The following PCDHGA10 variants were observed in gnomAD, a reference collection of about 807,000 sequenced individuals.
PCDHGA10 encodes protocadherin gamma subfamily A, 10.
A neutral mutation model predicts 59.5 loss-of-function variants in PCDHGA10; 42 were observed. That is an observed-to-expected ratio of 0.71 (90% confidence interval 0.55 to 0.91). The LOEUF is 0.91. Among genes scored for constraint, PCDHGA10 ranks in the 40% least tolerant of loss-of-function variants. PCDHGA10 has a pLI of 0.00. For synonymous variants in PCDHGA10, 511 were observed against 517.2 expected (o/e 0.99, Z 0.16); for missense variants, 1,111 against 1,198.2 (o/e 0.93, Z 1.07).
At chr5:141,428,044 C>A in intron 1 of PCDHGA10, 1 of 1,608,790 alleles carries the variant, frequency 6.2e-7, no homozygotes, top group Non-Finnish European at 8.5e-7. Context: ...TACCTGGTGA[C>A]CAAGGTGGTG....
intron 1 of PCDHGA10, among the ~76,000 whole-genome samples, chr5:141,457,343 T>C (rs1372992422): frequency 6.6e-6 from 1 of 152,240 alleles, no homozygotes; most frequent in African/African-American, 2.4e-5. Flanking sequence ...TTACTTACTT[T>C]CATTACCTGG....
chr5:141,443,235 C>G (rs1182428300), intron 1 of PCDHGA10, among the ~76,000 whole-genome samples: 2 of 151,642 alleles, frequency 1.3e-5, no homozygotes, highest in East Asian at 1.9e-4. Flanking sequence ...AATCTTAGCA[C>G]TTTGGGGCGC....
intron 1 of PCDHGA10, chr5:141,423,620 C>T: frequency 6.2e-7 from 1 of 1,608,268 alleles, no homozygotes; most frequent in Middle Eastern, 1.7e-4. Context: ...GCTGAAGACT[C>T]AGCTATCATT....
chr5:141,490,938 C>A lies in PCDHGA10; in HGVS notation c.2437-3869C>A. 1.2e-6 allele frequency: 2 copies of A among 1,613,672 alleles called. No individual in the cohort carries two copies. Among genetic ancestry groups the A allele is most frequent in the Non-Finnish European group, 1.7e-6 (2 of 1,179,760 alleles). On this transcript the variant is annotated intron_variant, in intron 1 of 3. Coordinates refer to ENST00000398610, the MANE Select transcript of PCDHGA10 (RefSeq NM_018913.3). The surrounding 1 kb of genome is among the most constrained non-coding windows in gnomAD (Gnocchi z 5.4). ...ATGATAATGCCCCAGCTGTGCTGCA[C>A]CCACGGCCAGACTGGGAACACTCAG... is the stretch of plus-strand genomic sequence containing the variant.
At position 141,413,097 on chromosome 5, in the gene PCDHGA10, C is replaced by T. The variant is rs531228946; in HGVS notation, c.-79C>T. ...CCCAGGCTACAGAGACACCCTGAAGCCACAGAAAGACAAAGGAACCGGTTG... is the reference window on the plus strand; with the variant it reads ...CCCAGGCTACAGAGACACCCTGAAGTCACAGAAAGACAAAGGAACCGGTTG... On this transcript the variant is annotated 5_prime_UTR_variant, in exon 1 of 4. Transcript: ENST00000398610. 2 of 1,447,922 alleles carry T rather than the reference C, an allele frequency of 1.4e-6. No homozygotes were observed. The highest frequency in any genetic ancestry group is 1.4e-5 in the African/African-American group (1 of 70,502). The allele number at this position is 1,447,922 out of a possible 1,614,324, so 89.7% of individuals were successfully genotyped here. A position where few individuals can be genotyped will look rare whatever the true frequency, so the allele number is the denominator to read the frequency against.
rs183831513 is a variant in PCDHGA10 at position 141,497,605 on chromosome 5, T to A, written c.2495+2740T>A. ...CCCAAGCTGGAGTGCAGTGGTGCGA[T>A]CTTGGCTCACTGCAACCTCTGCCTG... On this transcript the variant is annotated intron_variant, in intron 2 of 3. Coordinates refer to ENST00000398610, the MANE Select transcript of PCDHGA10 (RefSeq NM_018913.3). Among the ~76,000 whole-genome samples, 19 of 151,488 alleles carry A rather than the reference T, an allele frequency of 1.3e-4. No individual in the cohort carries two copies. In the East Asian group the frequency reaches 3.7e-3, roughly 29 times the overall value.
At chr5:141,447,232 C>T (rs988057696) in intron 1 of PCDHGA10, among the ~76,000 whole-genome samples, 3 of 152,062 alleles carry the variant, frequency 2.0e-5, no homozygotes, top group East Asian at 1.9e-4. Flanking sequence ...CTCCGCCTCC[C>T]GGGTTCAAGT....
rs562479827 is a variant in PCDHGA10, at chr5:141,430,802, C to A, written c.2436+15191C>A. The A allele has an allele frequency of 1.2e-5, 18 of 1,524,776 alleles. No homozygotes were observed. The East Asian group carries it at 3.9e-4, about 33-fold the overall frequency. The allele number at this position is 1,524,776 out of a possible 1,614,324, so 94.5% of individuals were successfully genotyped here. On this transcript the variant is annotated intron_variant, in intron 1 of 3. Coordinates refer to ENST00000398610, the MANE Select transcript of PCDHGA10 (RefSeq NM_018913.3). ...GCACCGGGACTACAAAGGGCTTGTC[C>A]TGCTGGGAATCCTCCTGGGGACTCT... is the stretch of plus-strand genomic sequence containing the variant.
At chr5:141,421,387 G>A in intron 1 of PCDHGA10, 3 of 1,614,054 alleles carry the variant, frequency 1.9e-6, no homozygotes, top group Non-Finnish European at 2.5e-6. Context: ...CAAGGACCTG[G>A]GGCTGGAGCC....
At chr5:141,505,261 T>C in intron 2 of PCDHGA10, 132 bp from the exon 3 acceptor site, 1 of 1,505,282 alleles carries the variant, frequency 6.6e-7, no homozygotes. Context: ...GCCTCCTACC[T>C]TGCTGAGAGA....
At chr5:141,470,872 T>TTTTTTG (rs900302332) in intron 1 of PCDHGA10, among the ~76,000 whole-genome samples, 2 of 151,814 alleles carry the variant, frequency 1.3e-5, no homozygotes, top group Admixed American at 1.3e-4. Context: ...GTTTGTTTGT[T>TTTTTTG]TTTTTGTTTT....
chr5:141,426,364 G>C (rs918838005), intron 1 of PCDHGA10: 1 of 202,328 alleles, frequency 4.9e-6, no homozygotes, highest in Non-Finnish European at 1.0e-5. Flanking sequence ...TTTGTTCTGC[G>C]GGGCACCCTC....
intron 1 of PCDHGA10, chr5:141,428,184 C>G: frequency 6.8e-7 from 1 of 1,463,674 alleles, no homozygotes; most frequent in Middle Eastern, 1.7e-4. Flanking sequence ...GGAGGACAGC[C>G]GCCGCTCTCT....
intron 1 of PCDHGA10, among the ~76,000 whole-genome samples, chr5:141,474,703 C>G (rs2099353282): frequency 6.6e-6 from 1 of 152,188 alleles, no homozygotes; most frequent in Admixed American, 6.5e-5. Flanking sequence ...GTTCAAGGTT[C>G]TATTATACTT....
intron 1 of PCDHGA10, chr5:141,423,369 A>C: frequency 1.9e-6 from 3 of 1,614,104 alleles, no homozygotes; most frequent in Non-Finnish European, 2.5e-6. Flanking sequence ...TGCTGCTGGC[A>C]CTCAGGCTGT....
chr5:141,485,341 G>C lies in PCDHGA10; in HGVS notation c.2437-9466G>C. 1.2e-6 allele frequency: 2 copies of C among 1,614,118 alleles called. No homozygotes were observed. Among genetic ancestry groups the C allele is most frequent in the Non-Finnish European group, 8.5e-7 (1 of 1,180,022 alleles). ...TCGCTCAAGATTTCCTGCTGGATAC[G>C]GACAGTCTGTCAGCTCGCAGGCTGC... On this transcript the variant is annotated intron_variant, in intron 1 of 3. Coordinates refer to ENST00000398610, the MANE Select transcript of PCDHGA10 (RefSeq NM_018913.3). The surrounding 1 kb of genome is among the most constrained non-coding windows in gnomAD (Gnocchi z 5.7).
At chr5:141,446,830 A>G (rs1289946397) in intron 1 of PCDHGA10, among the ~76,000 whole-genome samples, 1 of 152,176 alleles carries the variant, frequency 6.6e-6, no homozygotes, top group Non-Finnish European at 1.5e-5. Flanking sequence ...GTAGATCCTT[A>G]TAAGGCTGAG....
Position 141,490,931 on chromosome 5 carries a change from T to C in PCDHGA10, c.2437-3876T>C. 1 of 1,613,780 alleles carries C rather than the reference T, an allele frequency of 6.2e-7. No individual in the cohort carries two copies. Among genetic ancestry groups the C allele is most frequent in the East Asian group, 2.2e-5 (1 of 44,872 alleles). ...GACGAGAATGATAATGCCCCAGCTG[T>C]GCTGCACCCACGGCCAGACTGGGAA... On this transcript the variant is annotated intron_variant, in intron 1 of 3. Transcript: ENST00000398610. This position sits in a 1 kb window ranked among gnomAD's most constrained non-coding sequence, Gnocchi z 5.4.
At chr5:141,423,744 A>G in intron 1 of PCDHGA10, 1 of 429,464 alleles carries the variant, frequency 2.3e-6, no homozygotes. Context: ...TGTTATGAAA[A>G]CTGTTTGGGG....
Sources: allele counts gnomAD v4.1 joint callset (sites outside exome capture counted in the v4.1 genomes callset), GRCh38; gene constraint gnomAD v4.1.1; non-coding constraint Gnocchi (gnomAD v3.1); transcripts MANE v1.5; gene names NCBI Gene and HGNC (gene_info 2026-07-23, HGNC 2026-07-21).